The following ADAMTS17 variants were observed in gnomAD, a reference collection of about 807,000 sequenced individuals.
The protein encoded by ADAMTS17 is A disintegrin and metalloproteinase with thrombospondin motifs 17.
Under a neutral mutation model 141.5 loss-of-function variants are expected in ADAMTS17, and 113 were observed. The ratio of observed to expected loss-of-function variants is 0.80; its 90% CI spans 0.69 to 0.93. ADAMTS17 has a LOEUF of 0.93. Ranked by LOEUF, ADAMTS17 falls within the 40% of genes least tolerant of loss-of-function variation. The pLI, the probability that ADAMTS17 is intolerant of heterozygous loss-of-function variation, is 0.00. For missense variants in ADAMTS17, 1,659 were observed against 1,517.9 expected, an observed-to-expected ratio of 1.09 and a Z score of -1.54; for synonymous variants, 768 against 630.6, an observed-to-expected ratio of 1.22 and a Z score of -3.27.
At chr15:100,087,540 G>C (rs965669328) in intron 15 of ADAMTS17, among the ~76,000 whole-genome samples, 2 of 152,036 alleles carry the variant, frequency 1.3e-5, no homozygotes, top group African/African-American at 2.4e-5. Context: ...AACCAAAAAA[G>C]AGAATTTTAG....
chr15:100,287,506 G>T (rs996460710), intron 3 of ADAMTS17, among the ~76,000 whole-genome samples: 1 of 152,108 alleles, frequency 6.6e-6, no homozygotes. Context: ...CACTAGAGAG[G>T]ACAACATTCA....
At chr15:99,995,823 A>G (rs2060790512) in intron 19 of ADAMTS17, among the ~76,000 whole-genome samples, 1 of 152,234 alleles carries the variant, frequency 6.6e-6, no homozygotes, top group Admixed American at 6.5e-5. Context: ...TTCAGAAGGA[A>G]GCATTTTGCT....
chr15:100,286,158 C>T (rs1050710045), intron 3 of ADAMTS17, among the ~76,000 whole-genome samples: 12 of 152,168 alleles, frequency 7.9e-5, no homozygotes, highest in Admixed American at 1.3e-4. Flanking sequence ...AAACACTCAC[C>T]CACAGATCTC....
At chr15:100,235,486 T>C (rs535222045) in intron 7 of ADAMTS17, among the ~76,000 whole-genome samples, 2 of 152,062 alleles carry the variant, frequency 1.3e-5, no homozygotes, top group Non-Finnish European at 2.9e-5. Flanking sequence ...CCACCAAGAC[T>C]CAGATCAGTG....
chr15:100,140,881 G>A (rs2038610777), intron 10 of ADAMTS17, among the ~76,000 whole-genome samples: 1 of 152,100 alleles, frequency 6.6e-6, no homozygotes, highest in East Asian at 1.9e-4. Flanking sequence ...CGCCTGCAGA[G>A]TTCTCCCTGG....
intron 20 of ADAMTS17, among the ~76,000 whole-genome samples, chr15:99,990,396 A>G (rs2060667326): frequency 6.6e-6 from 1 of 152,162 alleles, no homozygotes; most frequent in Admixed American, 6.5e-5. Flanking sequence ...TGAAAGATAC[A>G]TCCTGGCAGC....
chr15:100,174,860 C>T (rs1197026497), intron 8 of ADAMTS17, among the ~76,000 whole-genome samples: 19 of 152,068 alleles, frequency 1.2e-4, no homozygotes, highest in Admixed American at 9.8e-4. Context: ...GATAATGGGT[C>T]GTTAAGACAG....
chr15:99,981,018 C>T (rs2060473064), intron 20 of ADAMTS17, among the ~76,000 whole-genome samples: 1 of 152,216 alleles, frequency 6.6e-6, no homozygotes, highest in Non-Finnish European at 1.5e-5. Flanking sequence ...AGGGCTGATG[C>T]CGGCCACTGA....
rs114120916 is a variant in ADAMTS17, at chr15:100,243,868, G to A, written c.1075+10268C>T. Among the ~76,000 whole-genome samples the A allele has an allele frequency of 4.9e-3, 734 of 151,102 alleles. 6 individuals carry two copies. Among genetic ancestry groups the A allele is most frequent in the African/African-American group, 0.013 (528 of 41,120 alleles). ...TGAAAGTGGTCATCCTAATGAGTGT[G>A]ATTAGTCATCCGCTTTAACCCTCAC... On this transcript the variant is annotated intron_variant, in intron 7 of 21. Transcript: ENST00000268070.
intron 18 of ADAMTS17, among the ~76,000 whole-genome samples, chr15:99,999,451 C>A (rs1318666622): frequency 3.3e-5 from 5 of 151,974 alleles, no homozygotes; most frequent in African/African-American, 1.2e-4. Flanking sequence ...AGCCCCGTGA[C>A]TACGTGGGAA....
chr15:100,262,849 T>C (rs1005325272), intron 4 of ADAMTS17, among the ~76,000 whole-genome samples: 1 of 148,800 alleles, frequency 6.7e-6, no homozygotes, highest in Non-Finnish European at 1.5e-5. Context: ...TGTCCATACA[T>C]CAAGTCTTAT....
chr15:100,233,182 G>A (rs1465397452), intron 7 of ADAMTS17, among the ~76,000 whole-genome samples: 1 of 152,100 alleles, frequency 6.6e-6, no homozygotes, highest in African/African-American at 2.4e-5. Context: ...GACAAAAAAT[G>A]AGTCGGGCGT....
chr15:100,270,219 G>T (rs1377530391), intron 4 of ADAMTS17, among the ~76,000 whole-genome samples: 7 of 152,086 alleles, frequency 4.6e-5, no homozygotes, highest in African/African-American at 1.2e-4. Context: ...CTTCAATAGG[G>T]TGTGGATGAG....
At chr15:100,069,434 A>C (rs11247146) in intron 15 of ADAMTS17, among the ~76,000 whole-genome samples, 9,494 of 152,194 alleles carry the variant, frequency 0.062, 305 homozygotes, top group Middle Eastern at 0.082. Context: ...TCCAAGACAC[A>C]TAATTGTCAG....
chr15:99,985,648 A>G (rs1207074710), intron 20 of ADAMTS17, among the ~76,000 whole-genome samples: 1 of 152,176 alleles, frequency 6.6e-6, no homozygotes, highest in Admixed American at 6.5e-5. Context: ...AGCCTCTGAC[A>G]TGATCTTGCA....
chr15:100,056,929 T>C (rs8033828), intron 15 of ADAMTS17, among the ~76,000 whole-genome samples: 119,036 of 151,912 alleles, frequency 0.78, 48,170 homozygotes, highest in Non-Finnish European at 0.89. Flanking sequence ...CTCCGGGGCC[T>C]GGGAATGTTG....
At position 99,974,566 on chromosome 15, in the gene ADAMTS17, A is replaced by G; in HGVS notation, c.3128-4T>C. ...GTGCATTTGTAGGTCAGAGCAGCTAAGGGGATAGGAGAGAGAATACCCAGG... is the reference window on the plus strand; with the variant it reads ...GTGCATTTGTAGGTCAGAGCAGCTAGGGGGATAGGAGAGAGAATACCCAGG... On this transcript the variant is annotated splice_region_variant and splice_polypyrimidine_tract_variant and intron_variant, in intron 21 of 21. Transcript: ENST00000268070. 1 of 1,614,224 alleles carries G rather than the reference A, an allele frequency of 6.2e-7. No homozygotes were observed. The highest frequency in any genetic ancestry group is 8.5e-7 in the Non-Finnish European group (1 of 1,180,020).
intron 15 of ADAMTS17, among the ~76,000 whole-genome samples, chr15:100,065,901 G>A (rs1039927001): frequency 6.6e-6 from 1 of 152,132 alleles, no homozygotes; most frequent in African/African-American, 2.4e-5. Context: ...GCTGGGGGGT[G>A]TATGTGATGT....
intron 18 of ADAMTS17, among the ~76,000 whole-genome samples, chr15:100,017,667 G>A (rs1567680128): frequency 6.6e-6 from 1 of 152,226 alleles, no homozygotes; most frequent in African/African-American, 2.4e-5. Flanking sequence ...GGGAGAGGAT[G>A]CTCTCCCTTT....
Sources: gnomAD v4.1 joint callset for allele counts (sites outside exome capture counted in the v4.1 genomes callset) on GRCh38, gnomAD v4.1.1 for gene constraint, MANE v1.5 for transcripts, NCBI Gene and HGNC (gene_info 2026-07-23, HGNC 2026-07-21) for gene names.